TMEM214: variants seen among roughly 807,000 people sequenced by gnomAD.
TMEM214 encodes transmembrane protein 214.
TMEM214 carries 71 observed loss-of-function variants against 89.8 expected under a neutral mutation model. That is an observed-to-expected ratio of 0.79 (90% CI 0.65 to 0.96). The LOEUF (loss-of-function observed/expected upper bound fraction) is 0.96. Among genes scored for constraint, TMEM214 ranks in the 40% least tolerant of loss-of-function variants. The probability of loss-of-function intolerance (pLI) is 0.00; values close to 1 mark genes in which losing one functional copy is unlikely to be tolerated. For missense variants in TMEM214, 754 were observed against 843.4 expected (o/e 0.89, Z 1.31); for synonymous variants, 332 against 349.5 (o/e 0.95, Z 0.56).
At chr2:27,034,303 G>A in intron 2 of TMEM214, 37 bp downstream of exon 2, 2 of 1,605,448 alleles carry the variant, frequency 1.2e-6, no homozygotes, top group African/African-American at 1.3e-5. Flanking sequence ...GAAAGAATGG[G>A]GGCTTGAGAT....
Position 27,036,069 on chromosome 2 carries a change from G to C in TMEM214, c.720+17G>C. On this transcript the variant is annotated intron_variant, in intron 5 of 16. Coordinates refer to ENST00000238788, the MANE Select transcript of TMEM214 (RefSeq NM_017727.5). ...CTAGGCAAGGTGAGCTCTCAGTGAT[G>C]GTGGGGATGCTAGGAAGCTAGGACT... 1.9e-6 allele frequency: 3 copies of C among 1,612,944 alleles called. No individual in the cohort carries two copies. Among genetic ancestry groups the C allele is most frequent in the Middle Eastern group, 3.3e-4 (2 of 6,060 alleles).
At chr2:27,037,215 C>G in intron 8 of TMEM214, 37 bp downstream of exon 8, 2 of 1,465,072 alleles carry the variant, frequency 1.4e-6, no homozygotes, top group East Asian at 2.3e-5. Context: ...TGAGAAGGGA[C>G]CACAGCACCA....
At chr2:27,039,934 C>T (rs1667756464) in intron 14 of TMEM214, 96 bp from the exon 15 acceptor site, 1 of 1,596,774 alleles carries the variant, frequency 6.3e-7, no homozygotes, top group Non-Finnish European at 8.5e-7. Context: ...TTGTGATTCT[C>T]CTTTCCCACG....
intron 5 of TMEM214, among the ~76,000 whole-genome samples, 172 bp downstream of exon 5, chr2:27,036,224 G>T (rs1400319652): frequency 2.0e-5 from 3 of 152,200 alleles, no homozygotes; most frequent in Non-Finnish European, 2.9e-5. Flanking sequence ...TAGGAGCAAG[G>T]TACTGCTATT....
chr2:27,033,014 C>G lies in TMEM214; in HGVS notation c.-2C>G, dbSNP rs1667398163. On this transcript the variant is annotated 5_prime_UTR_variant, in exon 1 of 17. Transcript: ENST00000238788. ...GTGGCCGAGGAGGGAGGGCTGCGAG[C>G]CATGGCGACCAAGACGGCGGGCGTG... The G allele has an allele frequency of 8.0e-7, 1 of 1,246,560 alleles. No homozygotes were observed. The highest frequency in any genetic ancestry group is 1.6e-5 in the African/African-American group (1 of 64,514). The allele number at this position is 1,246,560 out of a possible 1,614,324, so 77.2% of individuals were successfully genotyped here. A position where few individuals can be genotyped will look rare whatever the true frequency, so the allele number is the denominator to read the frequency against.
At chr2:27,036,109 G>T in intron 5 of TMEM214, 57 bp downstream of exon 5, 1 of 1,541,186 alleles carries the variant, frequency 6.5e-7, no homozygotes, top group Non-Finnish European at 8.9e-7. Flanking sequence ...AGGCTGGGCA[G>T]AATCTATGTT....
rs771259022 is a variant in TMEM214, at chr2:27,040,082, C to T, written c.1675C>T (p.Arg559Trp). 54 of 1,608,838 alleles carry T rather than the reference C, an allele frequency of 3.4e-5. 2 individuals are homozygous for T. In the Admixed American group the frequency reaches 4.5e-4, roughly 13 times the overall value. Reference protein sequence around the residue: ...LWGSHLLTVVRPSLQLAWAHT... With the variant: ...LWGSHLLTVVWPSLQLAWAHT... ...GGGCTCCCACCTGCTCACCGTGGTG[C>T]GGCCCAGCTTGCAGCTGGCCTGGGC... Residue 559 changes from arginine to tryptophan, a missense_variant, in exon 15 of 17, where the codon CGG becomes TGG. Physicochemically the swap from Arg to Trp is moderately radical, Grantham distance 101. Transcript: ENST00000238788.
intron 14 of TMEM214, 29 bp from the exon 15 acceptor site, chr2:27,040,000 GC>G: frequency 6.3e-7 from 1 of 1,597,062 alleles, no homozygotes; most frequent in Non-Finnish European, 8.5e-7. Context: ...GAGACTCAGA[GC>G]CCTCTTCCCC....
intron 16 of TMEM214, 56 bp from the exon 17 acceptor site, chr2:27,040,655 G>A (rs1032759387): frequency 6.9e-6 from 11 of 1,602,670 alleles, no homozygotes; most frequent in African/African-American, 2.7e-5. Flanking sequence ...TTTCATCCCC[G>A]AAAGTTGACA....
In TMEM214 at chr2:27,035,688, C is replaced by T. The variant is rs771605219; in HGVS notation, c.597C>T (p.His199=). The change falls in exon 4 of 17, where the codon CAC becomes CAT. Residue 199 remains histidine, a synonymous_variant. Coordinates refer to ENST00000238788, the MANE Select transcript of TMEM214 (RefSeq NM_017727.5). The part of the protein sequence containing the change: ...AAGSLELFFD[H]CLFTMLQELD... ...GGTCTCTGGAGCTCTTTTTTGACCA[C>T]TGTCTGTTCACCATGTTGCAAGAGC... The T allele has an allele frequency of 2.3e-5, 37 of 1,614,218 alleles. No homozygotes were observed. The highest frequency in any genetic ancestry group is 3.1e-5 in the Non-Finnish European group (36 of 1,180,038).
chr2:27,033,867 A>C (rs964378775), intron 1 of TMEM214, among the ~76,000 whole-genome samples, 200 bp from the exon 2 acceptor site: 1 of 152,064 alleles, frequency 6.6e-6, no homozygotes, highest in Non-Finnish European at 1.5e-5. Flanking sequence ...GAAAGAGCCC[A>C]TAGACTCAAG....
intron 1 of TMEM214, among the ~76,000 whole-genome samples, 166 bp downstream of exon 1, chr2:27,033,332 G>T (rs548726304): frequency 7.2e-5 from 11 of 152,252 alleles, no homozygotes; most frequent in African/African-American, 2.6e-4. Context: ...GGAAGGTTGC[G>T]GTCCTCACCT....
Position 27,038,903 on chromosome 2 carries a change from C to T in TMEM214, c.1407+88C>T. On this transcript the variant is annotated intron_variant, in intron 12 of 16. Transcript: ENST00000238788. This position sits in a 1 kb window ranked among gnomAD's most constrained non-coding sequence, Gnocchi z 4.4. Reference sequence around the variant, plus strand: ...GGTTGGGCCTGTATCACATTCCTGCCCCACCTGTCTGGAGCCCCCCGCTGC... The same window carrying T: ...GGTTGGGCCTGTATCACATTCCTGCTCCACCTGTCTGGAGCCCCCCGCTGC... 6 of 1,425,892 alleles carry T rather than the reference C, an allele frequency of 4.2e-6. No individual in the cohort carries two copies. The highest frequency in any genetic ancestry group is 5.9e-6 in the Non-Finnish European group (6 of 1,016,158). The allele number at this position is 1,425,892 out of a possible 1,614,324, so 88.3% of individuals were successfully genotyped here.
chr2:27,040,371 G>C lies in TMEM214; in HGVS notation c.1818G>C (p.Val606=). 1 of 1,614,224 alleles carries C rather than the reference G, an allele frequency of 6.2e-7. No individual in the cohort carries two copies. Among genetic ancestry groups the C allele is most frequent in the South Asian group, 1.1e-5 (1 of 91,078 alleles). The change falls in exon 16 of 17, where the codon GTG becomes GTC. Residue 606 remains valine, a synonymous_variant. Transcript: ENST00000238788. ...QRLQIQLPDS[V]NQLLRYLREL... is the part of the protein sequence containing the mutation. ...TACAGATCCAGCTCCCCGATTCCGT[G>C]AATCAGCTACTCCGCTATCTGAGAG... is the stretch of plus-strand genomic sequence containing the variant.
Position 27,038,829 on chromosome 2 carries a change from G to A in TMEM214, c.1407+14G>A. The A allele has an allele frequency of 1.2e-6, 2 of 1,606,040 alleles. No homozygotes were observed. Among genetic ancestry groups the A allele is most frequent in the East Asian group, 2.2e-5 (1 of 44,818 alleles). On this transcript the variant is annotated intron_variant, in intron 12 of 16. Coordinates refer to ENST00000238788, the MANE Select transcript of TMEM214 (RefSeq NM_017727.5). This position sits in a 1 kb window ranked among gnomAD's most constrained non-coding sequence, Gnocchi z 4.4. Reference sequence around the variant, plus strand: ...ATGGCCTGCAAGGTGCTGGCACCCGGTCCTCTCCAGCCCACACGCTATCTT... The same window carrying A: ...ATGGCCTGCAAGGTGCTGGCACCCGATCCTCTCCAGCCCACACGCTATCTT...
intron 5 of TMEM214, 77 bp downstream of exon 5, chr2:27,036,129 A>G: frequency 7.2e-7 from 1 of 1,394,674 alleles, no homozygotes; most frequent in South Asian, 1.2e-5. Context: ...TGTTGGACTC[A>G]GGTTTGGGAT....
chr2:27,037,695 A>C lies in TMEM214; in HGVS notation c.1145A>C (p.Lys382Thr). 6.2e-7 allele frequency: 1 copy of C among 1,614,126 alleles called. No individual in the cohort carries two copies. The highest frequency in any genetic ancestry group is 8.5e-7 in the Non-Finnish European group (1 of 1,180,026). Residue 382 changes from lysine to threonine, a missense_variant, in exon 9 of 17, where the codon AAG becomes ACG. Transcript: ENST00000238788. ...RATPSCPPEMKKELLSSLTEC... is the reference protein window; with the variant it reads ...RATPSCPPEMTKELLSSLTEC... ...ACCCCTAGCTGTCCCCCTGAGATGA[A>C]GAAAGAGGTGAGGATATGGTGGGAG...
At chr2:27,036,949 C>T (rs1358544407) in intron 7 of TMEM214, 128 bp from the exon 8 acceptor site, 14 of 1,081,516 alleles carry the variant, frequency 1.3e-5, no homozygotes, top group South Asian at 1.2e-4. Context: ...GAAGAGGGAG[C>T]TATTAAGGGC....
Position 27,035,715 on chromosome 2 carries a change from G to A in TMEM214, c.624G>A (p.Leu208=), listed in dbSNP as rs1667528893. The A allele has an allele frequency of 1.9e-6, 3 of 1,614,182 alleles. No homozygotes were observed. Among genetic ancestry groups the A allele is most frequent in the African/African-American group, 2.7e-5 (2 of 75,038 alleles). Residue 208 remains leucine, a synonymous_variant, in exon 4 of 17, where the codon CTG becomes CTA. Transcript: ENST00000238788. The stretch of plus-strand genomic sequence containing the variant: ...GTCTGTTCACCATGTTGCAAGAGCT[G>A]GATAAGACACCAGGTGAAAGGGGCA... The part of the protein sequence containing the change: ...DHCLFTMLQE[L]DKTPGESLHG...
Sources: gnomAD v4.1 joint callset for allele counts (sites outside exome capture counted in the v4.1 genomes callset) on GRCh38, gnomAD v4.1.1 for gene constraint, Gnocchi (gnomAD v3.1) non-coding constraint, MANE v1.5 for transcripts, NCBI Gene and HGNC (gene_info 2026-07-23, HGNC 2026-07-21) for gene names.